EPHX2: variants seen among roughly 807,000 people sequenced by gnomAD.
EPHX2 encodes the protein bifunctional epoxide hydrolase 2.
EPHX2 carries 74 observed loss-of-function variants against 78.7 expected under a neutral mutation model. The observed-to-expected ratio is 0.94, with a 90% confidence interval of 0.78 to 1.14. EPHX2 has a LOEUF of 1.14. EPHX2 is among the 50% of genes most tolerant of loss of function. The pLI is 0.00. For missense variants in EPHX2, 715 were observed against 702.5 expected (o/e 1.02, Z -0.20); for synonymous variants, 251 against 255.2 (o/e 0.98, Z 0.16).
intron 1 of EPHX2, among the ~76,000 whole-genome samples, chr8:27,493,324 A>G (rs1381117224): frequency 1.3e-5 from 2 of 152,222 alleles, no homozygotes; most frequent in Non-Finnish European, 2.9e-5. Flanking sequence ...CTGACTGGTT[A>G]GTTTAAAAAC....
chr8:27,504,912 CA>C, intron 3 of EPHX2, 43 bp from the exon 4 acceptor site: 1 of 1,604,878 alleles, frequency 6.2e-7, no homozygotes, highest in South Asian at 1.1e-5. Context: ...CATTTCAGGG[CA>C]AAGGTCTGTA....
intron 5 of EPHX2, among the ~76,000 whole-genome samples, chr8:27,511,354 A>G (rs1419055937): frequency 6.6e-6 from 1 of 152,226 alleles, no homozygotes; most frequent in African/African-American, 2.4e-5. Flanking sequence ...AATATTAATT[A>G]AAGTCCAAAT....
chr8:27,501,212 CTG>C (rs932599152), intron 2 of EPHX2, among the ~76,000 whole-genome samples: 4 of 152,112 alleles, frequency 2.6e-5, no homozygotes, highest in African/African-American at 9.7e-5. Context: ...TGAACGAAAA[CTG>C]TGATGAAACT....
chr8:27,508,576 T>G (rs894942792), intron 5 of EPHX2, among the ~76,000 whole-genome samples: 1 of 152,078 alleles, frequency 6.6e-6, no homozygotes. Flanking sequence ...GTCTGTCCCC[T>G]CAGCATACCT....
chr8:27,512,880 T>C (rs1814305528), intron 6 of EPHX2, among the ~76,000 whole-genome samples: 1 of 152,182 alleles, frequency 6.6e-6, no homozygotes, highest in South Asian at 2.1e-4. Flanking sequence ...GAGAATTAAA[T>C]GAAATGTTGT....
At chr8:27,515,863 C>A in intron 7 of EPHX2, 50 bp downstream of exon 7, 1 of 1,518,826 alleles carries the variant, frequency 6.6e-7, no homozygotes. Flanking sequence ...TTGGGGGAGT[C>A]TAGATGGTGT....
At chr8:27,524,345 C>T (rs190390532) in intron 11 of EPHX2, among the ~76,000 whole-genome samples, 9 of 152,282 alleles carry the variant, frequency 5.9e-5, no homozygotes, top group African/African-American at 2.2e-4. Flanking sequence ...TATGGTCTCT[C>T]AGTGCTTGAT....
chr8:27,538,200 A>G (rs1815273647), intron 13 of EPHX2, among the ~76,000 whole-genome samples: 1 of 152,184 alleles, frequency 6.6e-6, no homozygotes, highest in Admixed American at 6.5e-5. Context: ...CTCCTTTAAC[A>G]TCTTTATCAT....
At chr8:27,516,082 A>G (rs560740482) in intron 7 of EPHX2, among the ~76,000 whole-genome samples, 51 of 152,340 alleles carry the variant, frequency 3.3e-4, no homozygotes, top group Non-Finnish European at 6.9e-4. Flanking sequence ...AGAAAGCTGC[A>G]AGAGCTTTGC....
At chr8:27,537,115 C>A (rs1353037025) in intron 13 of EPHX2, among the ~76,000 whole-genome samples, 1 of 152,142 alleles carries the variant, frequency 6.6e-6, no homozygotes. Context: ...TTGGCTTACC[C>A]AAGTACAAAA....
intron 2 of EPHX2, among the ~76,000 whole-genome samples, chr8:27,502,643 A>G (rs1327243305): frequency 2.0e-5 from 3 of 152,122 alleles, no homozygotes; most frequent in Non-Finnish European, 4.4e-5. Flanking sequence ...GTATCCTCAC[A>G]TGGTAGAAAG....
chr8:27,516,347 C>A lies in EPHX2; in HGVS notation c.859C>A (p.Arg287=). ...CCCTGCTCTGGCCCAGGCAGGTTAC[C>A]GGGTCCTAGCTATGGACATGAAAGG... is the stretch of plus-strand genomic sequence containing the variant. ...QIPALAQAGY[R]VLAMDMKGYG... The change falls in exon 8 of 19, where the codon CGG becomes AGG. Residue 287 remains arginine (R), a synonymous_variant. Transcript: ENST00000521400. 3.1e-6 allele frequency: 5 copies of A among 1,614,002 alleles called. No individual in the cohort carries two copies. Among genetic ancestry groups the A allele is most frequent in the Non-Finnish European group, 4.2e-6 (5 of 1,179,964 alleles).
intron 5 of EPHX2, among the ~76,000 whole-genome samples, chr8:27,508,698 C>G (rs1310978547): frequency 6.6e-6 from 1 of 152,138 alleles, no homozygotes; most frequent in African/African-American, 2.4e-5. Flanking sequence ...AACATCATCC[C>G]CCTTGTATTT....
chr8:27,527,018 G>T lies in EPHX2; in HGVS notation c.1170+1545G>T, dbSNP rs1814868984. On this transcript the variant is annotated intron_variant, in intron 12 of 18. Coordinates refer to ENST00000521400, the MANE Select transcript of EPHX2 (RefSeq NM_001979.6). ...TACAGTGGCGCAATCTCGGCTCACT[G>T]CAACCTCCGCCTCCTAAGGTTCAAG... Among the ~76,000 whole-genome samples, 4 of 152,260 alleles carry T rather than the reference G, an allele frequency of 2.6e-5. No homozygotes were observed. The South Asian group carries it at 8.3e-4, about 32-fold the overall frequency.
chr8:27,515,794 G>A lies in EPHX2; in HGVS notation c.812G>A (p.Trp271Ter). The A allele has an allele frequency of 6.2e-7, 1 of 1,613,998 alleles. No homozygotes were observed. The highest frequency in any genetic ancestry group is 8.5e-7 in the Non-Finnish European group (1 of 1,180,012). Residue 271 changes from tryptophan (W) to a stop codon, truncating the protein, a stop_gained, in exon 7 of 19, where the codon TGG becomes TAG. Coordinates refer to ENST00000521400, the MANE Select transcript of EPHX2 (RefSeq NM_001979.6). LOFTEE classifies it high-confidence loss of function. ...CTCTGCCATGGATTTCCCGAGAGTT[G>A]GTATTCTTGGAGGTACCAGGTGAGA... Reference protein sequence around the residue: ...VCLCHGFPESWYSWRYQIPAL... With the variant: ...VCLCHGFPES
chr8:27,511,803 CTG>C (rs777667643), intron 5 of EPHX2, 31 bp from the exon 6 acceptor site: 1 of 1,608,026 alleles, frequency 6.2e-7, no homozygotes, highest in Non-Finnish European at 8.5e-7. Context: ...GAGGCTGCTG[CTG>C]TCTCTCTCAC....
chr8:27,547,454 G>A (rs1015769776), downstream of EPHX2, among the ~76,000 whole-genome samples: 5 of 152,330 alleles, frequency 3.3e-5, no homozygotes, highest in East Asian at 9.6e-4. Context: ...TAACATACTA[G>A]TACATATTCA....
intron 3 of EPHX2, among the ~76,000 whole-genome samples, chr8:27,504,019 T>C (rs1427567210): frequency 3.9e-5 from 6 of 152,230 alleles, no homozygotes; most frequent in Non-Finnish European, 7.3e-5. Flanking sequence ...ATTCTCCCCT[T>C]CAATGGCACT....
intron 12 of EPHX2, among the ~76,000 whole-genome samples, chr8:27,527,084 G>A (rs899819821): frequency 1.3e-5 from 2 of 152,140 alleles, no homozygotes; most frequent in Non-Finnish European, 2.9e-5. Context: ...TGGGTCTAAG[G>A]TGCATGCCAC....
Sources: gnomAD v4.1 joint callset for allele counts (sites outside exome capture counted in the v4.1 genomes callset) on GRCh38, gnomAD v4.1.1 for gene constraint, MANE v1.5 for transcripts, NCBI Gene and HGNC (gene_info 2026-07-23, HGNC 2026-07-21) for gene names.